GABRG3: variants seen among roughly 807,000 people sequenced by gnomAD.
GABRG3 encodes gamma-aminobutyric acid receptor subunit gamma-3.
In GABRG3, 25 loss-of-function variants were observed where a neutral mutation model predicts 48.8. That is an observed-to-expected ratio of 0.51 (90% confidence interval 0.37 to 0.72). The LOEUF is 0.72. GABRG3 is among the 30% of genes least tolerant of loss of function. The pLI is 0.00. For missense variants in GABRG3, 394 were observed against 577.9 expected (o/e 0.68, Z 3.26); for synonymous variants, 227 against 217.6 (o/e 1.04, Z -0.38).
intron 3 of GABRG3, among the ~76,000 whole-genome samples, chr15:27,232,949 G>C (rs1889845503): frequency 6.6e-6 from 1 of 152,202 alleles, no homozygotes; most frequent in South Asian, 2.1e-4. Context: ...TGGTCAGGAG[G>C]GGCAGGACTG....
intron 3 of GABRG3, among the ~76,000 whole-genome samples, chr15:27,312,311 A>G (rs924362125): frequency 9.2e-5 from 14 of 152,142 alleles, no homozygotes; most frequent in Non-Finnish European, 2.9e-5. Context: ...GATTTAAAAG[A>G]CATTATCAAG....
chr15:27,012,300 A>T (rs1396731446), intron 2 of GABRG3, among the ~76,000 whole-genome samples: 1 of 152,038 alleles, frequency 6.6e-6, no homozygotes, highest in Non-Finnish European at 1.5e-5. Context: ...TTTGTTATTT[A>T]TGCAATGTAC....
At chr15:27,154,151 G>A (rs908273871) in intron 3 of GABRG3, among the ~76,000 whole-genome samples, 9 of 152,098 alleles carry the variant, frequency 5.9e-5, no homozygotes, top group Non-Finnish European at 1.0e-4. Context: ...TCTGCACCTT[G>A]AGGTCTTTCA....
intron 3 of GABRG3, among the ~76,000 whole-genome samples, chr15:27,094,142 C>T (rs1337453521): frequency 6.6e-6 from 1 of 152,166 alleles, no homozygotes; most frequent in Non-Finnish European, 1.5e-5. Context: ...CTGGCTGCTT[C>T]CACGAGTCCT....
At chr15:27,172,637 C>T (rs1469243758) in intron 3 of GABRG3, among the ~76,000 whole-genome samples, 2 of 152,116 alleles carry the variant, frequency 1.3e-5, no homozygotes, top group East Asian at 3.9e-4. Context: ...ACCTGGTCAT[C>T]GCCTCCTGCA....
chr15:27,417,113 A>T (rs1326556557), intron 5 of GABRG3, among the ~76,000 whole-genome samples: 1 of 152,160 alleles, frequency 6.6e-6, no homozygotes, highest in Non-Finnish European at 1.5e-5. Flanking sequence ...TCTTGTCACA[A>T]TTGGGAACTG....
chr15:27,101,323 A>G (rs949985180), intron 3 of GABRG3, among the ~76,000 whole-genome samples: 3 of 152,208 alleles, frequency 2.0e-5, no homozygotes, highest in Admixed American at 1.3e-4. Flanking sequence ...GCCCTAAGTA[A>G]ATGGAGAGAT....
chr15:27,289,274 T>C (rs771292937), intron 3 of GABRG3, among the ~76,000 whole-genome samples: 5 of 151,578 alleles, frequency 3.3e-5, no homozygotes, highest in Non-Finnish European at 7.4e-5. Context: ...CCTCTACTCT[T>C]TTTTTTTTCT....
At chr15:27,420,803 A>G (rs1431366398) in intron 5 of GABRG3, 1 of 152,252 alleles carries the variant, frequency 6.6e-6, no homozygotes, top group Non-Finnish European at 1.5e-5. Context: ...TCACAAAACT[A>G]TGTGGCAAAG....
intron 3 of GABRG3, among the ~76,000 whole-genome samples, chr15:27,201,856 C>T (rs1006181723): frequency 1.3e-5 from 2 of 152,124 alleles, no homozygotes; most frequent in Non-Finnish European, 2.9e-5. Flanking sequence ...ATATACTAAA[C>T]TAAATTGAAT....
At chr15:27,472,018 T>C (rs1566856498) in intron 5 of GABRG3, among the ~76,000 whole-genome samples, 1 of 152,188 alleles carries the variant, frequency 6.6e-6, no homozygotes, top group Non-Finnish European at 1.5e-5. Context: ...CACATGTAAT[T>C]CATAATTAAA....
intron 3 of GABRG3, among the ~76,000 whole-genome samples, chr15:27,109,602 C>T (rs983460756): frequency 5.9e-5 from 9 of 152,178 alleles, no homozygotes; most frequent in South Asian, 4.1e-4. Flanking sequence ...GTTTTCTCAG[C>T]CGGGCGCAGT....
intron 5 of GABRG3, among the ~76,000 whole-genome samples, chr15:27,456,224 G>A (rs1302477663): frequency 1.3e-5 from 2 of 152,164 alleles, no homozygotes; most frequent in Non-Finnish European, 2.9e-5. Flanking sequence ...CCCTGGACAG[G>A]TAGAAACCCA....
intron 3 of GABRG3, among the ~76,000 whole-genome samples, chr15:27,248,187 G>A (rs2140457728): frequency 6.6e-6 from 1 of 152,274 alleles, no homozygotes. Context: ...GGCCTGTCTT[G>A]CCTGCAGTTT....
intron 3 of GABRG3, among the ~76,000 whole-genome samples, chr15:27,283,339 C>G (rs547454130): frequency 6.6e-6 from 1 of 152,308 alleles, no homozygotes; most frequent in East Asian, 1.9e-4. Flanking sequence ...CACGGTGGCT[C>G]ATGCCTGTAA....
chr15:27,349,842 C>T (rs1297146102), intron 5 of GABRG3, among the ~76,000 whole-genome samples: 3 of 152,066 alleles, frequency 2.0e-5, no homozygotes, highest in African/African-American at 7.2e-5. Flanking sequence ...GATTCTCTCT[C>T]CCCGGGACAT....
intron 5 of GABRG3, among the ~76,000 whole-genome samples, chr15:27,339,301 C>A (rs568510593): frequency 6.6e-6 from 1 of 152,342 alleles, no homozygotes; most frequent in Non-Finnish European, 1.5e-5. Flanking sequence ...AATCCACAAA[C>A]TCTGGAAGCA....
At chr15:27,181,197 C>T (rs1003536732) in intron 3 of GABRG3, among the ~76,000 whole-genome samples, 5 of 152,240 alleles carry the variant, frequency 3.3e-5, no homozygotes, top group East Asian at 1.9e-4. Context: ...TAGCTGCCCA[C>T]GAGCACAGGC....
intron 3 of GABRG3, among the ~76,000 whole-genome samples, chr15:27,260,009 G>A (rs1890726113): frequency 6.6e-6 from 1 of 152,220 alleles, no homozygotes; most frequent in Non-Finnish European, 1.5e-5. Context: ...GGCCTGGGAA[G>A]ATGTGTTGAA....
Sources: gnomAD v4.1 joint callset for allele counts (sites outside exome capture counted in the v4.1 genomes callset) on GRCh38, gnomAD v4.1.1 for gene constraint, MANE v1.5 for transcripts, NCBI Gene and HGNC (gene_info 2026-07-23, HGNC 2026-07-21) for gene names.